EHMT1: variants seen among roughly 807,000 people sequenced by gnomAD.
EHMT1 encodes euchromatic histone lysine methyltransferase 1, also known as histone-lysine N-methyltransferase EHMT1.
A neutral mutation model predicts 147.2 loss-of-function variants in EHMT1; 15 were observed. The observed-to-expected ratio is 0.10, with a 90% CI of 0.07 to 0.16. EHMT1 has a LOEUF of 0.16. Ranked by LOEUF, EHMT1 falls within the 10% of genes least tolerant of loss-of-function variation. EHMT1 has a pLI of 1.00. For synonymous variants in EHMT1, 795 were observed against 709.6 expected (o/e 1.12, Z -1.91); for missense variants, 1,587 against 1,772.4 (o/e 0.90, Z 1.88).
chr9:137,834,271 C>T, intron 25 of EHMT1, 78 bp from the exon 26 acceptor site: 1 of 1,579,420 alleles, frequency 6.3e-7, no homozygotes, highest in East Asian at 2.3e-5. Flanking sequence ...CCGGGACTGC[C>T]ATGCATGGCC....
chr9:137,822,272 C>G (rs1282389658), intron 25 of EHMT1, among the ~76,000 whole-genome samples: 2 of 152,226 alleles, frequency 1.3e-5, no homozygotes, highest in Admixed American at 1.3e-4. Context: ...TGGTTTATGC[C>G]TGCTTGCCTG....
chr9:137,762,892 G>A (rs1479386174), intron 10 of EHMT1, 72 bp downstream of exon 10: 12 of 1,600,728 alleles, frequency 7.5e-6, no homozygotes, highest in African/African-American at 2.7e-5. Flanking sequence ...CAGGGGCCCC[G>A]ACAGCCCCTC....
chr9:137,633,982 T>C lies in EHMT1; in HGVS notation c.21+14933T>C, dbSNP rs138668426. 1.2e-4 allele frequency among the ~76,000 whole-genome samples: 18 copies of C among 152,194 alleles called. No homozygotes were observed. In the East Asian group the frequency reaches 3.3e-3, roughly 28 times the overall value. ...GTGCGCACCAGCACGCCGGCTTATT[T>C]TTGTATTTTTAGTAGAGTCAGGGTT... On this transcript the variant is annotated intron_variant, in intron 1 of 26. Coordinates refer to ENST00000460843, the MANE Select transcript of EHMT1 (RefSeq NM_024757.5).
intron 10 of EHMT1, among the ~76,000 whole-genome samples, chr9:137,769,230 CTACAG>C (rs1173842475): frequency 1.3e-5 from 2 of 151,792 alleles, no homozygotes; most frequent in African/African-American, 4.8e-5. Context: ...TGCTAAAACT[CTACAG>C]TATATTGGCT....
At chr9:137,676,913 A>G (rs1048952143) in intron 1 of EHMT1, among the ~76,000 whole-genome samples, 9 of 152,082 alleles carry the variant, frequency 5.9e-5, no homozygotes, top group African/African-American at 1.9e-4. Flanking sequence ...TTTTTGCCCA[A>G]TAAAACCTTG....
intron 7 of EHMT1, among the ~76,000 whole-genome samples, chr9:137,752,755 C>T (rs893113504): frequency 2.7e-5 from 4 of 149,372 alleles, no homozygotes; most frequent in Non-Finnish European, 4.4e-5. Flanking sequence ...GGCTGATGTG[C>T]GAGAAGGAAG....
At chr9:137,803,903 G>T (rs1212848505) in intron 18 of EHMT1, among the ~76,000 whole-genome samples, 1 of 151,590 alleles carries the variant, frequency 6.6e-6, no homozygotes, top group Admixed American at 6.6e-5. Flanking sequence ...GTGTATGAGA[G>T]TGCATTCATC....
At chr9:137,646,784 C>T (rs1056203429) in intron 1 of EHMT1, among the ~76,000 whole-genome samples, 2 of 152,210 alleles carry the variant, frequency 1.3e-5, no homozygotes, top group Non-Finnish European at 2.9e-5. Flanking sequence ...TTATCTCCTA[C>T]TGTCTTTGAA....
At chr9:137,634,371 G>T (rs1165208314) in intron 1 of EHMT1, among the ~76,000 whole-genome samples, 1 of 152,128 alleles carries the variant, frequency 6.6e-6, no homozygotes, top group Non-Finnish European at 1.5e-5. Flanking sequence ...TGTACAGTTG[G>T]CTCAGCAGCG....
intron 3 of EHMT1, among the ~76,000 whole-genome samples, chr9:137,718,097 C>T (rs137924441): frequency 7.3e-6 from 1 of 137,392 alleles, no homozygotes; most frequent in African/African-American, 3.5e-5. Flanking sequence ...AGGGCGCGCC[C>T]GCCCCTCACG....
chr9:137,814,370 T>C, intron 21 of EHMT1, 61 bp from the exon 22 acceptor site: 1 of 1,558,416 alleles, frequency 6.4e-7, no homozygotes, highest in South Asian at 1.1e-5. Context: ...TAGTTGTGAC[T>C]GGGAGGGGAA....
intron 1 of EHMT1, among the ~76,000 whole-genome samples, chr9:137,684,129 G>A (rs558928284): frequency 9.2e-5 from 14 of 152,022 alleles, no homozygotes; most frequent in Admixed American, 2.6e-4. Flanking sequence ...TCGACCTCCC[G>A]GGCTCAGGTG....
intron 25 of EHMT1, among the ~76,000 whole-genome samples, chr9:137,829,988 A>G (rs981569910): frequency 1.3e-4 from 20 of 152,214 alleles, no homozygotes; most frequent in African/African-American, 4.6e-4. Context: ...TCAATGCTTT[A>G]TTCTTACCAT....
At chr9:137,789,465 T>C (rs998859757) in intron 15 of EHMT1, among the ~76,000 whole-genome samples, 1 of 152,244 alleles carries the variant, frequency 6.6e-6, no homozygotes, top group African/African-American at 2.4e-5. Context: ...TACCTCGTTT[T>C]GTGTTTTTTT....
rs561445875 is a variant in EHMT1, at chr9:137,672,425, A to G, written c.22-38542A>G. On this transcript the variant is annotated intron_variant, in intron 1 of 26. Coordinates refer to ENST00000460843, the MANE Select transcript of EHMT1 (RefSeq NM_024757.5). ...ACACTAACTCGGTGGCATTTTCATA[A>G]AGTAAATTTTATGTTAGCACGTAGT... Among the ~76,000 whole-genome samples the G allele has an allele frequency of 4.6e-5, 7 of 152,320 alleles. No homozygotes were observed. In the East Asian group the frequency reaches 1.3e-3, roughly 29 times the overall value.
Position 137,728,645 on chromosome 9 carries a change from G to A in EHMT1, c.823+116G>A, listed in dbSNP as rs889534604. 4 of 1,422,276 alleles carry A rather than the reference G, an allele frequency of 2.8e-6. No individual in the cohort carries two copies. In the African/African-American group the frequency reaches 5.6e-5, roughly 20 times the overall value. 88.1% of individuals were successfully genotyped at this position (1,422,276 alleles called of 1,614,324 possible). A position where few individuals can be genotyped will look rare whatever the true frequency, so the allele number is the denominator to read the frequency against. On this transcript the variant is annotated intron_variant, in intron 4 of 26. Transcript: ENST00000460843. ...CCTGTGCTGCTCTTGATGAATGACTGTTGACGTCAGCTGGCCCTCCTGTGC... is the reference window on the plus strand; with the variant it reads ...CCTGTGCTGCTCTTGATGAATGACTATTGACGTCAGCTGGCCCTCCTGTGC...
At position 137,835,050 on chromosome 9, in the gene EHMT1, C is replaced by T. The variant is rs1278530684; in HGVS notation, c.*97C>T. On this transcript the variant is annotated 3_prime_UTR_variant, in exon 27 of 27. Coordinates refer to ENST00000460843, the MANE Select transcript of EHMT1 (RefSeq NM_024757.5). The stretch of plus-strand genomic sequence containing the variant: ...GATTCCGCACGCAACCGAAAGGGTC[C>T]TTCGGGGCTGCGCCGCCGGCTTCCT... 3.0e-5 allele frequency: 39 copies of T among 1,297,716 alleles called. No homozygotes were observed. The highest frequency in any genetic ancestry group is 3.7e-5 in the Non-Finnish European group (38 of 1,016,140). The allele number at this position is 1,297,716 out of a possible 1,614,324, so 80.4% of individuals were successfully genotyped here.
chr9:137,728,246 T>G, intron 3 of EHMT1, 103 bp from the exon 4 acceptor site: 2 of 1,477,178 alleles, frequency 1.4e-6, no homozygotes, highest in Non-Finnish European at 1.9e-6. Context: ...CATCTTTCGG[T>G]TGTGGGGAAT....
At chr9:137,797,307 T>A (rs1019524767) in intron 16 of EHMT1, among the ~76,000 whole-genome samples, 2 of 152,106 alleles carry the variant, frequency 1.3e-5, no homozygotes, top group African/African-American at 4.8e-5. Context: ...TCCCACGGGG[T>A]TCCTTTGGCT....
Sources: allele counts gnomAD v4.1 joint callset (sites outside exome capture counted in the v4.1 genomes callset), GRCh38; gene constraint gnomAD v4.1.1; transcripts MANE v1.5; gene names NCBI Gene and HGNC (gene_info 2026-07-23, HGNC 2026-07-21).